The following UST variants were observed in gnomAD, a reference collection of about 807,000 sequenced individuals.
The protein encoded by UST is chondroitin sulfate 2-O-sulfotransferase.
Under a neutral mutation model 45.6 loss-of-function variants are expected in UST, and 21 were observed. The observed-to-expected ratio is 0.46, with a 90% confidence interval of 0.33 to 0.66. The LOEUF (loss-of-function observed/expected upper bound fraction) is 0.66. UST is among the 30% of genes least tolerant of loss of function. The pLI is 0.02. For synonymous variants in UST, 215 were observed against 200.6 expected (o/e 1.07, Z -0.61); for missense variants, 463 against 512.4 (o/e 0.90, Z 0.93).
intron 2 of UST, among the ~76,000 whole-genome samples, chr6:148,926,820 C>T (rs1315247335): frequency 1.3e-5 from 2 of 152,072 alleles, no homozygotes; most frequent in African/African-American, 4.8e-5. Context: ...CATATTGTTA[C>T]CTAGAATGAG....
intron 1 of UST, among the ~76,000 whole-genome samples, chr6:148,885,144 T>G (rs1399175653): frequency 2.6e-5 from 4 of 151,964 alleles, no homozygotes; most frequent in Non-Finnish European, 5.9e-5. Context: ...TTTTTAGGAG[T>G]TTTTAGGAAC....
intron 5 of UST, chr6:149,005,274 C>A: frequency 2.0e-6 from 2 of 985,262 alleles, no homozygotes; most frequent in South Asian, 9.4e-5. Context: ...TTACTGGGAA[C>A]TCCTTACATC....
At chr6:149,063,201 A>G (rs1174953558) in intron 7 of UST, among the ~76,000 whole-genome samples, 1 of 152,222 alleles carries the variant, frequency 6.6e-6, no homozygotes, top group Non-Finnish European at 1.5e-5. Flanking sequence ...GGACATGTCT[A>G]TAAAGAAAAA....
intron 1 of UST, among the ~76,000 whole-genome samples, chr6:148,816,638 A>G (rs1346838628): frequency 6.6e-6 from 1 of 152,226 alleles, no homozygotes; most frequent in African/African-American, 2.4e-5. Flanking sequence ...TGGACTTGTG[A>G]GGAGTGAGTT....
chr6:149,010,738 C>G lies in UST; in HGVS notation c.682-8401C>G, dbSNP rs374340823. 4.1e-4 allele frequency among the ~76,000 whole-genome samples: 62 copies of G among 151,522 alleles called. No individual in the cohort carries two copies. In the East Asian group the frequency reaches 9.7e-3, roughly 24 times the overall value. ...TGAAAACCTATCTCTACTAAAAATACAAAAATTAGCCGGGTGTGGTGACAC... is the reference window on the plus strand; with the variant it reads ...TGAAAACCTATCTCTACTAAAAATAGAAAAATTAGCCGGGTGTGGTGACAC... On this transcript the variant is annotated intron_variant, in intron 5 of 7. Transcript: ENST00000367463.
intron 5 of UST, among the ~76,000 whole-genome samples, chr6:148,998,028 C>T (rs1335486150): frequency 6.6e-6 from 1 of 152,110 alleles, no homozygotes; most frequent in Non-Finnish European, 1.5e-5. Flanking sequence ...CGTTCTTAAG[C>T]CAAAACTATT....
intron 2 of UST, among the ~76,000 whole-genome samples, chr6:148,911,411 G>A (rs1227472622): frequency 6.6e-6 from 1 of 152,136 alleles, no homozygotes; most frequent in East Asian, 1.9e-4. Flanking sequence ...TTTTCCTAGG[G>A]ACCCAAACAG....
At chr6:148,922,993 G>T (rs9390635) in intron 2 of UST, among the ~76,000 whole-genome samples, 2 of 151,692 alleles carry the variant, frequency 1.3e-5, no homozygotes, top group African/African-American at 4.8e-5. Flanking sequence ...GAGTTTCACC[G>T]TGTTGGCCAG....
chr6:148,877,356 AGAGATCGTGTATGAGTGG>A (rs1778687484), intron 1 of UST, among the ~76,000 whole-genome samples: 1 of 43,236 alleles, frequency 2.3e-5, no homozygotes, highest in Non-Finnish European at 4.1e-5. Flanking sequence ...GTATGAGTGC[AGAGATCGTGTATGAGTGG>A]GGGGGTCGTG....
At chr6:148,980,924 T>C (rs1781120683) in intron 5 of UST, among the ~76,000 whole-genome samples, 1 of 151,976 alleles carries the variant, frequency 6.6e-6, no homozygotes, top group Admixed American at 6.6e-5. Flanking sequence ...GAGGTCTCAC[T>C]GTGTTACCCA....
chr6:148,823,172 T>C (rs1777498676), intron 1 of UST, among the ~76,000 whole-genome samples: 1 of 152,214 alleles, frequency 6.6e-6, no homozygotes, highest in Admixed American at 6.5e-5. Flanking sequence ...GAAGTGTTGA[T>C]TTTTGGAGTG....
intron 3 of UST, among the ~76,000 whole-genome samples, chr6:148,951,622 A>T (rs1582918132): frequency 6.6e-6 from 1 of 152,148 alleles, no homozygotes; most frequent in African/African-American, 2.4e-5. Flanking sequence ...GCTGCTGGCC[A>T]TGGGGGGAGG....
At chr6:149,041,335 C>T (rs1408806952) in intron 7 of UST, among the ~76,000 whole-genome samples, 1 of 152,218 alleles carries the variant, frequency 6.6e-6, no homozygotes, top group Non-Finnish European at 1.5e-5. Context: ...ACCTCCAGCC[C>T]AGCGAGCTAT....
intron 1 of UST, among the ~76,000 whole-genome samples, chr6:148,807,188 C>G (rs2114724974): frequency 6.6e-6 from 1 of 152,286 alleles, no homozygotes; most frequent in Middle Eastern, 3.4e-3. Flanking sequence ...TGGTCAGTTC[C>G]TCCATTAGCT....
chr6:148,764,039 C>T (rs557379407), intron 1 of UST, among the ~76,000 whole-genome samples: 10 of 152,128 alleles, frequency 6.6e-5, no homozygotes, highest in African/African-American at 1.7e-4. Flanking sequence ...AAAATGACAT[C>T]GGTAATTTGA....
At position 148,884,132 on chromosome 6, in the gene UST, C is replaced by CAAA. The variant is rs35086035; in HGVS notation, c.248-2838_248-2836dup. Among the ~76,000 whole-genome samples, 202 of 94,826 alleles carry CAAA rather than the reference C, an allele frequency of 2.1e-3. 1 individual carries two copies. The highest frequency in any genetic ancestry group is 6.0e-3 in the African/African-American group (175 of 29,244). The allele number at this position is 94,826 out of a possible 152,430, so 62.2% of individuals were successfully genotyped here. On this transcript the variant is annotated intron_variant, in intron 1 of 7. Coordinates refer to ENST00000367463, the MANE Select transcript of UST (RefSeq NM_005715.3). ...TGGGCAACAAAGTGAGACACCGTCT[C>CAAA]AAAAAAAAAAAAAAAAAATTGCAGA...
intron 3 of UST, among the ~76,000 whole-genome samples, chr6:148,945,836 G>C (rs947981075): frequency 3.9e-5 from 6 of 152,016 alleles, no homozygotes; most frequent in Non-Finnish European, 2.9e-5. Context: ...TGAAATACTA[G>C]GCAAGTCCAC....
chr6:148,945,427 C>T (rs1456221372), intron 3 of UST, among the ~76,000 whole-genome samples: 1 of 152,122 alleles, frequency 6.6e-6, no homozygotes, highest in Non-Finnish European at 1.5e-5. Context: ...GTTGCAGTGG[C>T]CCTTCTCCTG....
intron 1 of UST, among the ~76,000 whole-genome samples, chr6:148,866,754 T>G (rs9322155): frequency 2.6e-5 from 4 of 151,916 alleles, no homozygotes; most frequent in African/African-American, 9.7e-5. Context: ...TTGTTTTTAT[T>G]CTCCTTACAA....
Sources: gnomAD v4.1 joint callset for allele counts (sites outside exome capture counted in the v4.1 genomes callset) on GRCh38, gnomAD v4.1.1 for gene constraint, MANE v1.5 for transcripts, NCBI Gene and HGNC (gene_info 2026-07-23, HGNC 2026-07-21) for gene names.